The following BRD7 variants were observed in gnomAD, a reference collection of about 807,000 sequenced individuals.
BRD7 encodes bromodomain containing 7.
Under a neutral mutation model 82.1 loss-of-function variants are expected in BRD7, and 15 were observed. The ratio of observed to expected loss-of-function variants is 0.18; its 90% confidence interval spans 0.12 to 0.28. The LOEUF is 0.28. BRD7 is among the 10% of genes least tolerant of loss of function. The pLI is 1.00. For missense variants in BRD7, 638 were observed against 779.9 expected (o/e 0.82, Z 2.17); for synonymous variants, 232 against 266.9 (o/e 0.87, Z 1.27).
intron 12 of BRD7, among the ~76,000 whole-genome samples, chr16:50,322,841 G>T (rs1291429053): frequency 6.6e-6 from 1 of 152,160 alleles, no homozygotes; most frequent in African/African-American, 2.4e-5. Flanking sequence ...TGTGATGAAA[G>T]CAGTCCAAGT....
intron 2 of BRD7, 41 bp from the exon 3 acceptor site, chr16:50,354,963 A>G: frequency 6.3e-7 from 1 of 1,596,572 alleles, no homozygotes; most frequent in South Asian, 1.1e-5. Context: ...ATATTTCAGA[A>G]CCAATATCTT....
intron 9 of BRD7, among the ~76,000 whole-genome samples, chr16:50,327,640 C>T (rs980740182): frequency 1.3e-5 from 2 of 152,192 alleles, no homozygotes; most frequent in South Asian, 2.1e-4. Flanking sequence ...TTCTCTCATC[C>T]CTTACTCAAC....
In BRD7 at chr16:50,368,083, C is replaced by T. The variant is rs770278018; in HGVS notation, c.258+7G>A. Reference sequence around the variant, plus strand: ...CCGCAAAGCCAAAGCAATGTAACCACTTGTACCTTAACTCTTCTCCGTTTT... The same window carrying T: ...CCGCAAAGCCAAAGCAATGTAACCATTTGTACCTTAACTCTTCTCCGTTTT... On this transcript the variant is annotated splice_region_variant and intron_variant, in intron 2 of 16. Transcript: ENST00000394688. 3 of 1,613,988 alleles carry T rather than the reference C, an allele frequency of 1.9e-6. No homozygotes were observed. Among genetic ancestry groups the T allele is most frequent in the East Asian group, 2.2e-5 (1 of 44,888 alleles).
intron 5 of BRD7, among the ~76,000 whole-genome samples, chr16:50,344,225 TAGAA>T (rs1157943464): frequency 6.6e-6 from 1 of 152,140 alleles, no homozygotes; most frequent in East Asian, 1.9e-4. Context: ...AACTAACAAA[TAGAA>T]AGGACATCCG....
chr16:50,341,967 C>CA (rs571195473), intron 5 of BRD7, among the ~76,000 whole-genome samples: 7 of 149,088 alleles, frequency 4.7e-5, no homozygotes, highest in South Asian at 2.1e-4. Flanking sequence ...CACACACACA[C>CA]ATTTTACTTC....
At position 50,318,579 on chromosome 16, in the gene BRD7, T is replaced by TAAGTA. The variant is rs1227307600; in HGVS notation, c.*627_*631dup. ...TGACCTTTGTATTTCAGATAAACAG[T>TAAGTA]AAGTAAAGTAGAAATGTCACCTTTT... On this transcript the variant is annotated 3_prime_UTR_variant, in exon 17 of 17. Transcript: ENST00000394688. 5 of 152,204 alleles carry TAAGTA rather than the reference T, an allele frequency of 3.3e-5. No individual in the cohort carries two copies. Among genetic ancestry groups the TAAGTA allele is most frequent in the African/African-American group, 7.2e-5 (3 of 41,454 alleles). The allele number at this position is 152,204 out of a possible 1,614,324, so 9.4% of individuals were successfully genotyped here.
intron 9 of BRD7, among the ~76,000 whole-genome samples, chr16:50,327,212 A>C (rs1259950979): frequency 2.6e-5 from 4 of 152,220 alleles, no homozygotes; most frequent in African/African-American, 7.2e-5. Flanking sequence ...TTAAACCATG[A>C]AAGTGGCCTA....
At chr16:50,340,173 A>T in intron 5 of BRD7, 87 bp from the exon 6 acceptor site, 2 of 616,434 alleles carry the variant, frequency 3.2e-6, no homozygotes, top group South Asian at 5.8e-5. Context: ...AGGTCCTCTA[A>T]AAATTTAAAA....
intron 6 of BRD7, among the ~76,000 whole-genome samples, chr16:50,335,648 A>G (rs572844755): frequency 2.5e-4 from 38 of 152,356 alleles, no homozygotes; most frequent in Admixed American, 1.0e-3. Flanking sequence ...AGGGCTGCAC[A>G]GCAACAGCAG....
intron 2 of BRD7, among the ~76,000 whole-genome samples, chr16:50,367,221 T>C (rs1203831269): frequency 6.6e-6 from 1 of 152,178 alleles, no homozygotes; most frequent in African/African-American, 2.4e-5. Flanking sequence ...ATAACAGTAA[T>C]AACAATGTTA....
intron 2 of BRD7, among the ~76,000 whole-genome samples, chr16:50,356,009 T>C (rs1259312728): frequency 6.6e-6 from 1 of 152,192 alleles, no homozygotes; most frequent in African/African-American, 2.4e-5. Flanking sequence ...AGATAAGTGA[T>C]ATCACAGGTA....
chr16:50,342,892 T>A (rs2038128240), intron 5 of BRD7, among the ~76,000 whole-genome samples: 2 of 152,114 alleles, frequency 1.3e-5, no homozygotes, highest in South Asian at 4.1e-4. Context: ...ACATAGTAAA[T>A]TTTAATATAC....
At chr16:50,335,610 A>G (rs912577231) in intron 6 of BRD7, among the ~76,000 whole-genome samples, 2 of 152,222 alleles carry the variant, frequency 1.3e-5, no homozygotes, top group African/African-American at 4.8e-5. Flanking sequence ...GAAAGTTATC[A>G]CTGGGTAAAA....
chr16:50,332,093 A>G (rs2037589284), intron 8 of BRD7, among the ~76,000 whole-genome samples: 1 of 152,340 alleles, frequency 6.6e-6, no homozygotes, highest in East Asian at 1.9e-4. Flanking sequence ...AGAATTTTCT[A>G]TGTTCTCAAA....
In BRD7 at chr16:50,335,960, A is replaced by T. The variant is rs370695612; in HGVS notation, c.703-1065T>A. ...GGACAAATAAAAATATGGGTAGAGGAGAAAATAAAAATCCTCCTAATGTCT... is the reference window on the plus strand; with the variant it reads ...GGACAAATAAAAATATGGGTAGAGGTGAAAATAAAAATCCTCCTAATGTCT... On this transcript the variant is annotated intron_variant, in intron 6 of 16. Transcript: ENST00000394688. Among the ~76,000 whole-genome samples the T allele has an allele frequency of 2.4e-4, 37 of 152,370 alleles. 2 individuals carry two copies. Among genetic ancestry groups the T allele is most frequent in the African/African-American group, 8.9e-4 (37 of 41,590 alleles).
At chr16:50,322,150 A>G (rs2037147814) in intron 12 of BRD7, 112 bp from the exon 13 acceptor site, 2 of 781,218 alleles carry the variant, frequency 2.6e-6, no homozygotes. Flanking sequence ...ACAAATATGG[A>G]CTACTGGAAT....
chr16:50,354,682 TAA>T, intron 3 of BRD7, 109 bp downstream of exon 3: 1 of 1,434,722 alleles, frequency 7.0e-7, no homozygotes, highest in Non-Finnish European at 9.4e-7. Flanking sequence ...AGAAAAAACT[TAA>T]AAATTCAATC....
At chr16:50,333,053 T>G (rs1251924785) in intron 8 of BRD7, among the ~76,000 whole-genome samples, 1 of 152,160 alleles carries the variant, frequency 6.6e-6, no homozygotes, top group African/African-American at 2.4e-5. Flanking sequence ...ATTTGGGTGA[T>G]GGGTTCAAGA....
At chr16:50,324,913 G>A (rs2037273734) in intron 11 of BRD7, among the ~76,000 whole-genome samples, 2 of 152,190 alleles carry the variant, frequency 1.3e-5, no homozygotes, top group South Asian at 4.1e-4. Context: ...GGCTTGATCT[G>A]AAACCACAGT....
Sources: allele counts gnomAD v4.1 joint callset (sites outside exome capture counted in the v4.1 genomes callset), GRCh38; gene constraint gnomAD v4.1.1; transcripts MANE v1.5; gene names NCBI Gene and HGNC (gene_info 2026-07-23, HGNC 2026-07-21).